Variants in STXBP6 observed in about 807,000 individuals in gnomAD.
The protein encoded by STXBP6 is syntaxin binding protein 6, also known as syntaxin-binding protein 6.
Under a neutral mutation model 26.9 loss-of-function variants are expected in STXBP6, and 21 were observed. The ratio of observed to expected loss-of-function variants is 0.78; its 90% CI spans 0.55 to 1.12. The LOEUF is 1.12. Ranked by LOEUF, STXBP6 falls within the 50% of genes most tolerant of loss-of-function variation. The pLI, the probability that STXBP6 is intolerant of heterozygous loss-of-function variation, is 0.00. For synonymous variants in STXBP6, 97 were observed against 92.6 expected, an observed-to-expected ratio of 1.05 and a Z score of -0.27; for missense variants, 232 against 257.9, an observed-to-expected ratio of 0.90 and a Z score of 0.69.
chr14:24,979,695 T>G (rs2074137493), intron 1 of STXBP6, among the ~76,000 whole-genome samples: 2 of 152,194 alleles, frequency 1.3e-5, no homozygotes, highest in African/African-American at 2.4e-5. Context: ...ACCTAGACCC[T>G]TCCTTCTCCC....
At chr14:24,904,058 C>T (rs2071302513) in intron 2 of STXBP6, among the ~76,000 whole-genome samples, 1 of 152,134 alleles carries the variant, frequency 6.6e-6, no homozygotes, top group Admixed American at 6.6e-5. Flanking sequence ...AGTCACACAA[C>T]TCAAGGGCTG....
chr14:24,925,283 C>A (rs10147835), intron 2 of STXBP6, among the ~76,000 whole-genome samples: 3,312 of 152,228 alleles, frequency 0.022, 123 homozygotes, highest in African/African-American at 0.075. Context: ...AAAGCCCTCG[C>A]CCAAGTTTTA....
At chr14:24,991,496 T>A (rs1595268476) in intron 1 of STXBP6, among the ~76,000 whole-genome samples, 1 of 152,116 alleles carries the variant, frequency 6.6e-6, no homozygotes, top group East Asian at 1.9e-4. Context: ...GTGTGGATAG[T>A]AAAATGACAG....
chr14:24,819,236 GA>G (rs2068070855), intron 4 of STXBP6, 42 bp from the exon 5 acceptor site: 1 of 1,611,658 alleles, frequency 6.2e-7, no homozygotes, highest in Non-Finnish European at 8.5e-7. Context: ...TGGCTCAGCT[GA>G]CCCACAGTGA....
chr14:24,964,810 G>A (rs2073680634), intron 2 of STXBP6, among the ~76,000 whole-genome samples: 1 of 152,144 alleles, frequency 6.6e-6, no homozygotes, highest in East Asian at 1.9e-4. Flanking sequence ...GAACTTGACT[G>A]ACCTCAGAGA....
intron 2 of STXBP6, among the ~76,000 whole-genome samples, chr14:24,971,450 A>G (rs1042087723): frequency 6.6e-6 from 1 of 152,222 alleles, no homozygotes; most frequent in African/African-American, 2.4e-5. Flanking sequence ...GTTTTCATCA[A>G]CCAAACCACA....
intron 1 of STXBP6, among the ~76,000 whole-genome samples, chr14:25,000,353 G>A (rs1460957850): frequency 2.7e-5 from 4 of 150,050 alleles, no homozygotes; most frequent in African/African-American, 9.8e-5. Context: ...GTGAGCCACC[G>A]TGCCTGGCCT....
intron 2 of STXBP6, among the ~76,000 whole-genome samples, chr14:24,917,715 C>T (rs1306511674): frequency 6.6e-6 from 1 of 151,894 alleles, no homozygotes; most frequent in Admixed American, 6.6e-5. Flanking sequence ...CTAGACATGA[C>T]ACTAAAAACA....
intron 4 of STXBP6, among the ~76,000 whole-genome samples, chr14:24,835,605 T>A (rs854395): frequency 1 from 151,967 of 152,338 alleles, 75,802 homozygotes; most frequent in Middle Eastern, 1. Context: ...TCTAATTTTT[T>A]AAAATGGAAT....
intron 1 of STXBP6, among the ~76,000 whole-genome samples, chr14:25,016,678 T>C (rs1718187197): frequency 6.6e-6 from 1 of 152,168 alleles, no homozygotes; most frequent in Non-Finnish European, 1.5e-5. Context: ...GTTTTTACTA[T>C]CAGGGAGACT....
At chr14:24,975,108 C>G (rs910387322) in intron 1 of STXBP6, among the ~76,000 whole-genome samples, 2 of 152,086 alleles carry the variant, frequency 1.3e-5, no homozygotes, top group African/African-American at 4.8e-5. Flanking sequence ...GTAGTACAAA[C>G]TGGGATCTGG....
At chr14:25,004,004 A>G (rs2074830277) in intron 1 of STXBP6, among the ~76,000 whole-genome samples, 1 of 152,234 alleles carries the variant, frequency 6.6e-6, no homozygotes, top group Non-Finnish European at 1.5e-5. Context: ...GCTCTGGAGT[A>G]AAGGACTAGC....
At chr14:24,822,407 T>C (rs779276442) in intron 4 of STXBP6, among the ~76,000 whole-genome samples, 1 of 152,190 alleles carries the variant, frequency 6.6e-6, no homozygotes, top group Non-Finnish European at 1.5e-5. Flanking sequence ...AAATTGCTGG[T>C]TCAAAGCATA....
intron 4 of STXBP6, among the ~76,000 whole-genome samples, chr14:24,845,368 A>G (rs987891506): frequency 1.3e-5 from 2 of 152,198 alleles, no homozygotes; most frequent in Admixed American, 6.5e-5. Context: ...CCATGTAATT[A>G]TTAAGGAAAA....
chr14:25,030,203 G>A (rs993697789), intron 1 of STXBP6, among the ~76,000 whole-genome samples: 9 of 152,196 alleles, frequency 5.9e-5, no homozygotes, highest in Admixed American at 2.6e-4. Context: ...TCAACAGGCT[G>A]GAGTAACAAA....
At chr14:24,973,667 A>G (rs7161210) in intron 2 of STXBP6, among the ~76,000 whole-genome samples, 43,636 of 152,016 alleles carry the variant, frequency 0.29, 7,505 homozygotes, top group African/African-American at 0.49. Context: ...CATTATAGGC[A>G]TGAGCCACCG....
chr14:24,987,800 TG>T (rs1363788294), intron 1 of STXBP6: 2 of 978,280 alleles, frequency 2.0e-6, no homozygotes, highest in African/African-American at 3.5e-5. Context: ...AGATGCAGAG[TG>T]GTGTGAACAT....
chr14:24,883,533 G>A (rs1431213513), intron 2 of STXBP6, among the ~76,000 whole-genome samples: 1 of 152,142 alleles, frequency 6.6e-6, no homozygotes, highest in Non-Finnish European at 1.5e-5. Flanking sequence ...TGGAGACAGT[G>A]CTCATGAATG....
intron 2 of STXBP6, among the ~76,000 whole-genome samples, chr14:24,948,455 C>T (rs1206524133): frequency 6.6e-6 from 1 of 152,162 alleles, no homozygotes; most frequent in Non-Finnish European, 1.5e-5. Context: ...GTTCCTCACA[C>T]TCAGTAACAG....
Sources: gnomAD v4.1 joint callset for allele counts (sites outside exome capture counted in the v4.1 genomes callset) on GRCh38, gnomAD v4.1.1 for gene constraint, MANE v1.5 for transcripts, NCBI Gene and HGNC (gene_info 2026-07-23, HGNC 2026-07-21) for gene names.